CNN3: variants seen among roughly 807,000 people sequenced by gnomAD.
The protein encoded by CNN3 is calponin-3.
CNN3 carries 11 observed loss-of-function variants against 39.0 expected under a neutral mutation model. That is an observed-to-expected ratio of 0.28 (90% CI 0.18 to 0.47). The LOEUF (loss-of-function observed/expected upper bound fraction) is 0.47. Among genes scored for constraint, CNN3 ranks in the 20% least tolerant of loss-of-function variants. The pLI, the probability that CNN3 is intolerant of heterozygous loss-of-function variation, is 0.99. For missense variants in CNN3, 266 were observed against 403.4 expected, an observed-to-expected ratio of 0.66 and a Z score of 2.92; for synonymous variants, 101 against 138.3, an observed-to-expected ratio of 0.73 and a Z score of 1.89.
intron 1 of CNN3, among the ~76,000 whole-genome samples, chr1:94,918,442 C>T (rs542008678): frequency 7.1e-6 from 1 of 141,074 alleles, no homozygotes; most frequent in Non-Finnish European, 1.5e-5. Context: ...TACAACGAGC[C>T]GAGATCACAC....
chr1:94,921,742 T>C (rs1671453893), intron 1 of CNN3, among the ~76,000 whole-genome samples: 1 of 152,216 alleles, frequency 6.6e-6, no homozygotes, highest in African/African-American at 2.4e-5. Flanking sequence ...AAAAAATCAG[T>C]GAGCCTGACG....
intron 1 of CNN3, among the ~76,000 whole-genome samples, chr1:94,913,756 G>C (rs956225188): frequency 6.6e-6 from 1 of 152,204 alleles, no homozygotes; most frequent in Non-Finnish European, 1.5e-5. Flanking sequence ...ATATAGAAGA[G>C]AGAGTTGATT....
At chr1:94,919,060 AG>A (rs975594250) in intron 1 of CNN3, among the ~76,000 whole-genome samples, 1 of 152,138 alleles carries the variant, frequency 6.6e-6, no homozygotes, top group Admixed American at 6.6e-5. Context: ...AAGAAAAAGA[AG>A]GGGGGGAAGC....
At position 94,901,675 on chromosome 1, in the gene CNN3, A is replaced by T; in HGVS notation, c.495T>A (p.Gly165=). 1 of 1,610,154 alleles carries T rather than the reference A, an allele frequency of 6.2e-7. No homozygotes were observed. The highest frequency in any genetic ancestry group is 8.5e-7 in the Non-Finnish European group (1 of 1,176,484). Residue 165 remains glycine, a synonymous_variant, in exon 5 of 7, where the codon GGT becomes GGA. Transcript: ENST00000370206. ...GCAACACCACATTACTTACCTGCAG[A>T]CCAATTACACTTTGGCCAGCTTTTA... is the stretch of plus-strand genomic sequence containing the variant. ...GKLKAGQSVI[G]LQMGTNKCAS... is the part of the protein sequence containing the mutation.
At position 94,901,728 on chromosome 1, in the gene CNN3, G is replaced by A. The variant is rs1670873956; in HGVS notation, c.442C>T (p.Gln148Ter). The change falls in exon 5 of 7, where the codon CAA (glutamine) becomes TAA (stop). Residue 148 changes from glutamine (Q) to a stop codon, truncating the protein, a stop_gained. Transcript: ENST00000370206. LOFTEE classifies it high-confidence loss of function. ...IDIGVKYAEK[Q>*]TRRFDEGKLK... Reference sequence around the variant, plus strand: ...TTTCCTTCATCAAAACGTCTTGTTTGTTTTTCTGCATACTTAACTCCAATG... The same window carrying A: ...TTTCCTTCATCAAAACGTCTTGTTTATTTTTCTGCATACTTAACTCCAATG... 6.2e-7 allele frequency: 1 copy of A among 1,613,852 alleles called. No individual in the cohort carries two copies. The highest frequency in any genetic ancestry group is 1.3e-5 in the African/African-American group (1 of 74,896).
chr1:94,906,580 G>A (rs1040369976), intron 1 of CNN3, among the ~76,000 whole-genome samples: 2 of 152,124 alleles, frequency 1.3e-5, no homozygotes, highest in African/African-American at 2.4e-5. Context: ...CGCCATGCCT[G>A]GCTCCATCTA....
intron 1 of CNN3, among the ~76,000 whole-genome samples, chr1:94,908,979 T>TAAAA (rs58396959): frequency 7.4e-6 from 1 of 134,438 alleles, no homozygotes; most frequent in South Asian, 2.5e-4. Context: ...CCCGTCTCTT[T>TAAAA]AAAAAAAAAA....
At position 94,921,829 on chromosome 1, in the gene CNN3, G is replaced by GATA. The variant is rs1306317630; in HGVS notation, c.57+5008_57+5009insTAT. On this transcript the variant is annotated intron_variant, in intron 1 of 6. Coordinates refer to ENST00000370206, the MANE Select transcript of CNN3 (RefSeq NM_001839.5). The stretch of plus-strand genomic sequence containing the variant: ...AAGCATGGTATCTCTTGTCACTTCA[G>GATA]CAAAGTGTATCTTATTTATCTGTTT... Among the ~76,000 whole-genome samples, 749 of 152,310 alleles carry GATA rather than the reference G, an allele frequency of 4.9e-3. 3 individuals carry two copies. The highest frequency in any genetic ancestry group is 0.014 in the African/African-American group (563 of 41,554).
chr1:94,898,605 TCA>T (rs1016068432), intron 6 of CNN3, among the ~76,000 whole-genome samples: 5 of 152,212 alleles, frequency 3.3e-5, no homozygotes, highest in African/African-American at 1.2e-4. Context: ...ACCAGCCACT[TCA>T]CAGCCACTCC....
intron 1 of CNN3, among the ~76,000 whole-genome samples, chr1:94,905,991 AT>A (rs1015916446): frequency 4.0e-5 from 6 of 151,576 alleles, no homozygotes. Flanking sequence ...TTTTAAAAAT[AT>A]TTTTTTTTGA....
intron 1 of CNN3, among the ~76,000 whole-genome samples, chr1:94,919,520 A>T (rs1671385772): frequency 6.6e-6 from 1 of 152,230 alleles, no homozygotes; most frequent in Non-Finnish European, 1.5e-5. Context: ...AGACCAGGAA[A>T]TTGTGCACTA....
chr1:94,919,142 G>A (rs147503736), intron 1 of CNN3, among the ~76,000 whole-genome samples: 2,427 of 152,284 alleles, frequency 0.016, 35 homozygotes, highest in Admixed American at 0.037. Flanking sequence ...GCAAGGAGAG[G>A]TAGGGATGGG....
intron 1 of CNN3, among the ~76,000 whole-genome samples, chr1:94,916,594 T>C (rs894047354): frequency 6.6e-6 from 1 of 152,216 alleles, no homozygotes. Flanking sequence ...TCCTGGGATT[T>C]CTTGCTCTGG....
chr1:94,918,518 A>G (rs1423246651), intron 1 of CNN3, among the ~76,000 whole-genome samples: 4 of 147,622 alleles, frequency 2.7e-5, no homozygotes, highest in Non-Finnish European at 6.0e-5. Flanking sequence ...AAAAAAAAAA[A>G]AAGTCGGCAA....
At chr1:94,898,873 T>G (rs1670790692) in intron 6 of CNN3, among the ~76,000 whole-genome samples, 1 of 152,234 alleles carries the variant, frequency 6.6e-6, no homozygotes, top group Non-Finnish European at 1.5e-5. Flanking sequence ...TTGTTGAACT[T>G]CCTTCTGAGG....
chr1:94,901,315 C>T (rs1310996345), intron 5 of CNN3, among the ~76,000 whole-genome samples: 1 of 149,714 alleles, frequency 6.7e-6, no homozygotes, highest in Non-Finnish European at 1.5e-5. Flanking sequence ...GATCGCGTCA[C>T]TGCACTCCAG....
At chr1:94,909,458 C>A (rs986455587) in intron 1 of CNN3, among the ~76,000 whole-genome samples, 1 of 152,172 alleles carries the variant, frequency 6.6e-6, no homozygotes, top group African/African-American at 2.4e-5. Flanking sequence ...ATGTACAAGT[C>A]TCTCCCCCCA....
At chr1:94,925,156 C>T (rs1203502762) in intron 1 of CNN3, among the ~76,000 whole-genome samples, 1 of 152,158 alleles carries the variant, frequency 6.6e-6, no homozygotes. Flanking sequence ...AAGTAAGTCA[C>T]TTGAAGGGCT....
chr1:94,916,488 G>A (rs1459404170), intron 1 of CNN3, among the ~76,000 whole-genome samples: 1 of 152,160 alleles, frequency 6.6e-6, no homozygotes, highest in African/African-American at 2.4e-5. Context: ...CCAGTGGCCT[G>A]TCTCCAGTCA....
Sources: gnomAD v4.1 joint callset for allele counts (sites outside exome capture counted in the v4.1 genomes callset) on GRCh38, gnomAD v4.1.1 for gene constraint, MANE v1.5 for transcripts, NCBI Gene and HGNC (gene_info 2026-07-23, HGNC 2026-07-21) for gene names.